Variants in ZNF254 observed in about 807,000 individuals in gnomAD.
ZNF254 encodes the protein zinc finger protein 254.
ZNF254 carries 10 observed loss-of-function variants against 12.4 expected under a neutral mutation model. The ratio of observed to expected loss-of-function variants is 0.80; its 90% CI spans 0.50 to 1.36. The LOEUF is 1.36. ZNF254 is among the 40% of genes most tolerant of loss of function. The pLI is 0.00. For synonymous variants in ZNF254, 305 were observed against 253.4 expected, an observed-to-expected ratio of 1.20 and a Z score of -1.93; for missense variants, 996 against 763.9, an observed-to-expected ratio of 1.30 and a Z score of -3.58.
chr19:24,079,662 G>A (rs2145566627), intron 2 of ZNF254: 1 of 152,316 alleles, frequency 6.6e-6, no homozygotes, highest in South Asian at 2.1e-4. Flanking sequence ...ACATTTTGTT[G>A]TCTCTGTGTT....
rs1344962298 is a variant in ZNF254 at position 24,128,230 on chromosome 19, A to G, written c.*250A>G. 3 of 412,456 alleles carry G rather than the reference A, an allele frequency of 7.3e-6. No homozygotes were observed. Among genetic ancestry groups the G allele is most frequent in the Non-Finnish European group, 1.3e-5 (3 of 235,992 alleles). 25.5% of individuals were successfully genotyped at this position (412,456 alleles called of 1,614,324 possible). A position where few individuals can be genotyped will look rare whatever the true frequency, so the allele number is the denominator to read the frequency against. ...ACTACCAGTGTGAACAACGTGGCCA[A>G]GCTTCGACAATGCTCACACCCTATT... On this transcript the variant is annotated 3_prime_UTR_variant, in exon 4 of 4. Transcript: ENST00000357002.
At chr19:24,119,981 CT>C (rs1250564840) in intron 3 of ZNF254, among the ~76,000 whole-genome samples, 1 of 151,892 alleles carries the variant, frequency 6.6e-6, no homozygotes, top group Non-Finnish European at 1.5e-5. Flanking sequence ...TCATAATCCT[CT>C]TGTATATTAG....
chr19:24,116,028 C>G (rs1010219677), intron 3 of ZNF254, among the ~76,000 whole-genome samples: 4 of 152,182 alleles, frequency 2.6e-5, no homozygotes, highest in African/African-American at 9.6e-5. Context: ...TTGGCCCCCA[C>G]TCTCTTCTGG....
rs538725094 is a variant in ZNF254, at chr19:24,057,029, A to G, written c.-94+10750A>G. On this transcript the variant is annotated intron_variant, in intron 2 of 4. Coordinates refer to the ZNF254 transcript ENST00000613065. ...TCTGAAACCAGTCAATAGGAGACAT[A>G]CTATCTCTCATATGTGGGCTTAGGT... is the stretch of plus-strand genomic sequence containing the variant. Among the ~76,000 whole-genome samples, 24 of 152,312 alleles carry G rather than the reference A, an allele frequency of 1.6e-4. No individual in the cohort carries two copies. In the South Asian group the frequency reaches 4.6e-3, roughly 29 times the overall value.
intron 3 of ZNF254, among the ~76,000 whole-genome samples, chr19:24,123,405 C>A (rs1489938475): frequency 6.6e-6 from 1 of 152,140 alleles, no homozygotes; most frequent in East Asian, 1.9e-4. Context: ...TTCTCCATAA[C>A]TCTGTTTGGA....
intron 2 of ZNF254, among the ~76,000 whole-genome samples, chr19:24,057,793 GTC>G (rs1389128118): frequency 7.2e-5 from 11 of 152,250 alleles, no homozygotes; most frequent in Admixed American, 6.5e-5. Flanking sequence ...GAGGGATTGT[GTC>G]TCTCATTCAA....
chr19:24,115,688 GAAAA>G (rs1974010460), intron 3 of ZNF254, among the ~76,000 whole-genome samples: 1 of 151,736 alleles, frequency 6.6e-6, no homozygotes, highest in African/African-American at 2.4e-5. Flanking sequence ...AATAAAAAAA[GAAAA>G]ATAAATAAAG....
intron 2 of ZNF254, among the ~76,000 whole-genome samples, chr19:24,075,793 A>G (rs1007596060): frequency 2.0e-5 from 3 of 152,242 alleles, no homozygotes; most frequent in Non-Finnish European, 1.5e-5. Context: ...GCAGGAGACC[A>G]GGGTGTATTT....
intron 3 of ZNF254, among the ~76,000 whole-genome samples, chr19:24,113,638 CCT>C: frequency 6.6e-6 from 1 of 152,238 alleles, no homozygotes; most frequent in East Asian, 1.9e-4. Flanking sequence ...ACAGGGATGC[CCT>C]CTCTCAACAC....
chr19:24,056,486 T>C (rs1312645328), intron 2 of ZNF254, among the ~76,000 whole-genome samples: 7 of 152,134 alleles, frequency 4.6e-5, no homozygotes, highest in Non-Finnish European at 1.0e-4. Context: ...TGGAGCTCTA[T>C]GCCAATGTGA....
At chr19:24,083,086 AG>A (rs1971907911), upstream of ZNF254, among the ~76,000 whole-genome samples, 1 of 152,192 alleles carries the variant, frequency 6.6e-6, no homozygotes, top group Non-Finnish European at 1.5e-5. Flanking sequence ...CTCATAAAAA[AG>A]CATCTAGATC....
chr19:24,087,506 C>A (rs1460424884), intron 1 of ZNF254, among the ~76,000 whole-genome samples, 169 bp downstream of exon 1: 2 of 152,180 alleles, frequency 1.3e-5, no homozygotes, highest in East Asian at 3.9e-4. Flanking sequence ...ACAGCCAGAC[C>A]CCCAGGAGTC....
chr19:24,072,263 C>CTGGGT (rs1971509195), intron 2 of ZNF254, among the ~76,000 whole-genome samples: 1 of 151,924 alleles, frequency 6.6e-6, no homozygotes, highest in Non-Finnish European at 1.5e-5. Context: ...CAGCCACCTC[C>CTGGGT]TGGGTTCAAG....
chr19:24,113,831 G>A (rs190856202), intron 3 of ZNF254, among the ~76,000 whole-genome samples: 1 of 152,304 alleles, frequency 6.6e-6, no homozygotes, highest in Admixed American at 6.5e-5. Context: ...AGCAACTTCA[G>A]CAATGTCTCA....
At chr19:24,107,632 T>A (rs1973427667) in intron 3 of ZNF254, among the ~76,000 whole-genome samples, 1 of 152,174 alleles carries the variant, frequency 6.6e-6, no homozygotes, top group South Asian at 2.1e-4. Context: ...AACAGCAACA[T>A]TTTACTTATT....
Position 24,127,493 on chromosome 19 carries a change from C to G in ZNF254, c.1493C>G (p.Ser498Cys). Residue 498 changes from serine to cysteine, a missense_variant, in exon 4 of 4, where the codon TCT (serine) becomes TGT (cysteine). Transcript: ENST00000357002. ...TACAAATGTGAAGAATGTGGCAAAT[C>G]TTTTAGCCAATCCTCAACCCTTACT... ...KPYKCEECGK[S>C]FSQSSTLTTH... 1.9e-6 allele frequency: 3 copies of G among 1,613,330 alleles called. No individual in the cohort carries two copies. The highest frequency in any genetic ancestry group is 2.2e-5 in the South Asian group (2 of 91,038).
intron 1 of ZNF254, among the ~76,000 whole-genome samples, chr19:24,041,547 C>G (rs1970161522): frequency 6.6e-6 from 1 of 152,258 alleles, no homozygotes; most frequent in Non-Finnish European, 1.5e-5. Flanking sequence ...TAGCTGCTTT[C>G]CTGCGGGGCA....
chr19:24,096,170 T>C (rs1277900340), intron 1 of ZNF254, among the ~76,000 whole-genome samples: 1 of 151,680 alleles, frequency 6.6e-6, no homozygotes, highest in Non-Finnish European at 1.5e-5. Flanking sequence ...AGCATTCTCC[T>C]TCCTCAGCCT....
At position 24,126,591 on chromosome 19, in the gene ZNF254, A is replaced by T; in HGVS notation, c.591A>T (p.Lys197Asn). Residue 197 changes from lysine (K) to asparagine (N), a missense_variant, in exon 4 of 4, where the codon AAA (lysine) becomes AAT (asparagine). By Grantham distance (94) the Lys-to-Asn change is moderately conservative. Transcript: ENST00000357002. Reference sequence around the variant, plus strand: ...AATTATTTTGCATGCTTTCACATAAAACCCAACACAAAAGCATTTATCATA... The same window carrying T: ...AATTATTTTGCATGCTTTCACATAATACCCAACACAAAAGCATTTATCATA... ...RVKLFCMLSH[K>N]TQHKSIYHRE... 1 of 1,601,820 alleles carries T rather than the reference A, an allele frequency of 6.2e-7. No homozygotes were observed. The highest frequency in any genetic ancestry group is 8.5e-7 in the Non-Finnish European group (1 of 1,177,044).
Sources: allele counts gnomAD v4.1 joint callset (sites outside exome capture counted in the v4.1 genomes callset), GRCh38; gene constraint gnomAD v4.1.1; transcripts MANE v1.5; gene names NCBI Gene and HGNC (gene_info 2026-07-23, HGNC 2026-07-21).